RBFOX1: variants seen among roughly 807,000 people sequenced by gnomAD.
The protein encoded by RBFOX1 is RNA binding fox-1 homolog 1, also known as RNA binding protein fox-1 homolog 1.
Under a neutral mutation model 57.7 loss-of-function variants are expected in RBFOX1, and 8 were observed. The ratio of observed to expected loss-of-function variants is 0.14; its 90% CI spans 0.08 to 0.25. The LOEUF (loss-of-function observed/expected upper bound fraction) is 0.25. RBFOX1 is among the 10% of genes least tolerant of loss of function. The pLI is 1.00. For missense variants in RBFOX1, 611 were observed against 548.5 expected (o/e 1.11, Z -1.14); for synonymous variants, 326 against 222.4 (o/e 1.47, Z -4.15).
intron 1 of RBFOX1, among the ~76,000 whole-genome samples, chr16:6,276,066 A>T (rs2075769342): frequency 6.6e-6 from 1 of 152,150 alleles, no homozygotes; most frequent in Admixed American, 6.5e-5. Flanking sequence ...ATTGGAGGGG[A>T]TGGATATGAA....
At chr16:5,753,198 G>C (rs907087250) in intron 3 of RBFOX1, among the ~76,000 whole-genome samples, 3 of 151,804 alleles carry the variant, frequency 2.0e-5, no homozygotes, top group African/African-American at 7.3e-5. Flanking sequence ...GTGTATGAGT[G>C]GGCACTAAAC....
chr16:6,682,426 C>T (rs972652622), intron 3 of RBFOX1, among the ~76,000 whole-genome samples: 2 of 152,114 alleles, frequency 1.3e-5, no homozygotes, highest in African/African-American at 4.8e-5. Context: ...AAAAGTGTTT[C>T]ATTTTATGGA....
intron 1 of RBFOX1, among the ~76,000 whole-genome samples, chr16:5,346,432 T>C (rs912742976): frequency 2.0e-5 from 3 of 152,210 alleles, no homozygotes; most frequent in African/African-American, 4.8e-5. Flanking sequence ...TTATGATGTT[T>C]GAACCACGTC....
chr16:5,758,961 G>C (rs910874771), intron 3 of RBFOX1, among the ~76,000 whole-genome samples: 1 of 152,222 alleles, frequency 6.6e-6, no homozygotes, highest in Admixed American at 6.5e-5. Context: ...GAGAGGGGCA[G>C]TGTGATACAT....
chr16:7,275,658 A>C (rs1489026070), intron 4 of RBFOX1, among the ~76,000 whole-genome samples: 1 of 151,824 alleles, frequency 6.6e-6, no homozygotes, highest in Non-Finnish European at 1.5e-5. Flanking sequence ...TGTTTCGGGG[A>C]ACATAATTGG....
At chr16:5,886,095 C>A (rs539228989) in intron 4 of RBFOX1, among the ~76,000 whole-genome samples, 38 of 152,328 alleles carry the variant, frequency 2.5e-4, no homozygotes, top group African/African-American at 8.9e-4. Context: ...CTTTAGCCTT[C>A]TGCCATGGTC....
chr16:5,958,066 G>A (rs1198935176), intron 4 of RBFOX1, among the ~76,000 whole-genome samples: 3 of 152,172 alleles, frequency 2.0e-5, no homozygotes, highest in South Asian at 4.1e-4. Flanking sequence ...TTAGACCAAA[G>A]AATCTACTGC....
chr16:7,640,440 C>A (rs1279420329), intron 11 of RBFOX1, among the ~76,000 whole-genome samples: 1 of 152,178 alleles, frequency 6.6e-6, no homozygotes, highest in African/African-American at 2.4e-5. Flanking sequence ...AACTACCATC[C>A]CATGGTGTGC....
intron 1 of RBFOX1, among the ~76,000 whole-genome samples, chr16:5,344,316 A>G (rs546385500): frequency 1.3e-5 from 2 of 152,144 alleles, no homozygotes; most frequent in South Asian, 4.2e-4. Context: ...CCCTCTTTCT[A>G]CATCAGCTGT....
intron 10 of RBFOX1, among the ~76,000 whole-genome samples, chr16:7,619,354 C>T (rs1408373715): frequency 6.6e-6 from 1 of 152,002 alleles, no homozygotes; most frequent in Non-Finnish European, 1.5e-5. Flanking sequence ...TGTTTTTAGC[C>T]ATAGCAGGGG....
At chr16:7,388,853 T>C (rs1004532161) in intron 4 of RBFOX1, among the ~76,000 whole-genome samples, 10 of 152,058 alleles carry the variant, frequency 6.6e-5, no homozygotes, top group Non-Finnish European at 1.2e-4. Context: ...TGATGTTCAG[T>C]AGGTTAGGTG....
At chr16:7,230,886 G>T (rs1014932914) in intron 4 of RBFOX1, among the ~76,000 whole-genome samples, 1 of 152,076 alleles carries the variant, frequency 6.6e-6, no homozygotes, top group Non-Finnish European at 1.5e-5. Flanking sequence ...TCCTCATTTT[G>T]TAGAAATCAA....
chr16:6,982,245 C>T (rs1295580396), intron 3 of RBFOX1, among the ~76,000 whole-genome samples: 1 of 152,112 alleles, frequency 6.6e-6, no homozygotes, highest in African/African-American at 2.4e-5. Flanking sequence ...AGAAATGTAG[C>T]TGCTTTCAAT....
In RBFOX1 at chr16:5,911,248, GTTT is replaced by G. The variant is rs577811601; in HGVS notation, c.351+43916_351+43918del. On this transcript the variant is annotated intron_variant, in intron 4 of 19. Transcript: ENST00000641259. ...GCCTCCCACTTGAGGTCCACTGTCT[GTTT>G]TTCACCCCCAGAAAAACGTCCATCA... 2.7e-3 allele frequency among the ~76,000 whole-genome samples: 412 copies of G among 152,212 alleles called. 3 individuals are homozygous for G. Among genetic ancestry groups the G allele is most frequent in the African/African-American group, 9.4e-3 (391 of 41,534 alleles).
At chr16:7,530,538 C>T (rs577724517) in intron 5 of RBFOX1, among the ~76,000 whole-genome samples, 1 of 151,530 alleles carries the variant, frequency 6.6e-6, no homozygotes, top group East Asian at 1.9e-4. Flanking sequence ...TTATCTAGTT[C>T]TCTCCTGCTG....
intron 2 of RBFOX1, among the ~76,000 whole-genome samples, chr16:6,632,527 A>T (rs10163322): frequency 6.6e-6 from 1 of 152,194 alleles, no homozygotes; most frequent in Non-Finnish European, 1.5e-5. Flanking sequence ...AGTCCACTTG[A>T]GGAGGAGACA....
intron 3 of RBFOX1, among the ~76,000 whole-genome samples, chr16:6,732,174 C>G (rs2154174615): frequency 6.6e-6 from 1 of 152,280 alleles, no homozygotes; most frequent in East Asian, 1.9e-4. Flanking sequence ...CTCCATCTTT[C>G]CAAAGATTGA....
chr16:6,988,672 C>T (rs1432497177), intron 3 of RBFOX1, among the ~76,000 whole-genome samples: 1 of 151,544 alleles, frequency 6.6e-6, no homozygotes, highest in Non-Finnish European at 1.5e-5. Flanking sequence ...TCAGCCTCAG[C>T]CTCAGCCTTA....
At chr16:6,963,750 G>T (rs890180584) in intron 3 of RBFOX1, among the ~76,000 whole-genome samples, 2 of 152,086 alleles carry the variant, frequency 1.3e-5, no homozygotes, top group Non-Finnish European at 2.9e-5. Flanking sequence ...CCAGGCTGGA[G>T]TGCATTGGCG....
Sources: allele counts gnomAD v4.1 joint callset (sites outside exome capture counted in the v4.1 genomes callset), GRCh38; gene constraint gnomAD v4.1.1; transcripts MANE v1.5; gene names NCBI Gene and HGNC (gene_info 2026-07-23, HGNC 2026-07-21).